SPTBN5: variants seen among roughly 807,000 people sequenced by gnomAD.
The protein encoded by SPTBN5 is spectrin beta, non-erythrocytic 5, also known as spectrin beta chain, non-erythrocytic 5.
A neutral mutation model predicts 477.6 loss-of-function variants in SPTBN5; 513 were observed. That is an observed-to-expected ratio of 1.07 (90% confidence interval 1.00 to 1.16). The LOEUF is 1.16. Ranked by LOEUF, SPTBN5 falls within the 50% of genes most tolerant of loss-of-function variation. The pLI, the probability that SPTBN5 is intolerant of heterozygous loss-of-function variation, is 0.00. For synonymous variants in SPTBN5, 2,169 were observed against 2,011.7 expected, an observed-to-expected ratio of 1.08 and a Z score of -2.09; for missense variants, 5,062 against 4,731.8, an observed-to-expected ratio of 1.07 and a Z score of -2.05.
Position 41,857,322 on chromosome 15 carries a change from A to C in SPTBN5, c.8537T>G (p.Leu2846Arg). The C allele has an allele frequency of 6.4e-7, 1 of 1,568,576 alleles. No individual in the cohort carries two copies. The highest frequency in any genetic ancestry group is 8.6e-7 in the Non-Finnish European group (1 of 1,157,296). Residue 2846 changes from leucine (L) to arginine (R), a missense_variant, in exon 51 of 68, where the codon CTG becomes CGG. Physicochemically the swap from Leu to Arg is moderately radical, Grantham distance 102. Transcript: ENST00000320955. ...CACAAAGGCCTGGGCCTGGCCCAGC[A>C]GTGCCTCAGCCTGCCTGGCCTTCTT... is the stretch of plus-strand genomic sequence containing the variant. ...VDKKARQAEA[L>R]LGQAQAFVRE... is the part of the protein sequence containing the mutation.
chr15:41,860,153 C>T (rs2066055819), intron 47 of SPTBN5, among the ~76,000 whole-genome samples: 1 of 152,220 alleles, frequency 6.6e-6, no homozygotes, highest in South Asian at 2.1e-4. Context: ...GTCCTCATCA[C>T]AGCCGTTAAA....
rs1162454174 is a variant in SPTBN5 at position 41,881,048 on chromosome 15, G to A, written c.2644C>T (p.Arg882Trp). ...AGAAGTGTTACCTGTGCCAGGGCCC[G>A]CAGACTCTCATAGTCCTGACTCAAG... The part of the protein sequence containing the change: ...DHLSQDYESL[R>W]ALAQLRRARL... Residue 882 changes from arginine to tryptophan, a missense_variant, in exon 13 of 68, where the codon CGG becomes TGG. Physicochemically the swap from Arg to Trp is moderately radical, Grantham distance 101. Coordinates refer to ENST00000320955, the MANE Select transcript of SPTBN5 (RefSeq NM_016642.4). 3 of 1,588,352 alleles carry A rather than the reference G, an allele frequency of 1.9e-6. No homozygotes were observed. Among genetic ancestry groups the A allele is most frequent in the South Asian group, 1.1e-5 (1 of 88,000 alleles).
At chr15:41,859,825 G>T (rs779770196) in intron 47 of SPTBN5, among the ~76,000 whole-genome samples, 8 of 152,176 alleles carry the variant, frequency 5.3e-5, no homozygotes, top group Non-Finnish European at 1.0e-4. Context: ...GAATGGAGAG[G>T]GGGTGGCCGC....
Position 41,876,656 on chromosome 15 carries a change from C to CT in SPTBN5, c.3852-10_3852-9insA. On this transcript the variant is annotated splice_polypyrimidine_tract_variant and intron_variant, in intron 19 of 67. Coordinates refer to ENST00000320955, the MANE Select transcript of SPTBN5 (RefSeq NM_016642.4). ...GCAGCTGCTCTCTGACCCTGGAGGG[C>CT]GGGGGGGGGTTGGAGGAGGGCATGG... 1 of 703,376 alleles carries CT rather than the reference C, an allele frequency of 1.4e-6. No homozygotes were observed. The highest frequency in any genetic ancestry group is 2.2e-6 in the Non-Finnish European group (1 of 455,602). The allele number at this position is 703,376 out of a possible 1,614,324, so 43.6% of individuals were successfully genotyped here. A position where few individuals can be genotyped will look rare whatever the true frequency, so the allele number is the denominator to read the frequency against.
chr15:41,875,996 T>C, intron 21 of SPTBN5, 118 bp downstream of exon 21: 1 of 1,299,856 alleles, frequency 7.7e-7, no homozygotes, highest in African/African-American at 1.5e-5. Context: ...GGGGAGGTTC[T>C]AGGTTCACGC....
rs1369836237 is a variant in SPTBN5, at chr15:41,852,586, G to A, written c.10449+48C>T. 3 of 1,571,728 alleles carry A rather than the reference G, an allele frequency of 1.9e-6. No homozygotes were observed. The South Asian group carries it at 3.3e-5, about 17-fold the overall frequency. ...GAGACACTGACTTGCAGGCTGAGAGGGACTGTTCCCCCACCAGCCCTCAGC... is the reference window on the plus strand; with the variant it reads ...GAGACACTGACTTGCAGGCTGAGAGAGACTGTTCCCCCACCAGCCCTCAGC... On this transcript the variant is annotated intron_variant, in intron 61 of 67. Transcript: ENST00000320955.
chr15:41,878,249 A>C (rs1371668705), intron 17 of SPTBN5, 93 bp downstream of exon 17: 3 of 1,446,034 alleles, frequency 2.1e-6, no homozygotes, highest in Admixed American at 4.2e-5. Flanking sequence ...GGGAAATCAC[A>C]CTACTTCCCG....
At chr15:41,848,722 C>T (rs1235937807) in intron 67 of SPTBN5, 94 bp from the exon 68 acceptor site, 3 of 1,422,448 alleles carry the variant, frequency 2.1e-6, no homozygotes. Context: ...TCCCCTGGAC[C>T]AGCCAGCCTC....
At chr15:41,853,818 TCC>T in intron 57 of SPTBN5, 31 bp from the exon 58 acceptor site, 7 of 1,523,806 alleles carry the variant, frequency 4.6e-6, no homozygotes, top group Non-Finnish European at 6.2e-6. Context: ...CAGGCCTCAG[TCC>T]CCCCACTGAG....
intron 47 of SPTBN5, 36 bp from the exon 48 acceptor site, chr15:41,859,016 C>T (rs773480744): frequency 1.4e-6 from 2 of 1,465,656 alleles, no homozygotes; most frequent in South Asian, 1.4e-5. Flanking sequence ...CTGGAGCCAC[C>T]CCCGGGGCCA....
chr15:41,855,369 C>T lies in SPTBN5; in HGVS notation c.9278G>A (p.Arg3093Lys). The T allele has an allele frequency of 6.2e-7, 1 of 1,605,300 alleles. No homozygotes were observed. The highest frequency in any genetic ancestry group is 8.5e-7 in the Non-Finnish European group (1 of 1,179,584). ...VREAHAELLR[R>K]AEARGHGLQE... ...CAGGCCGTGCCCCCTGGCCTCCGCC[C>T]TCCGCAGCAGCTCTGCGTGGGCCTC... Residue 3093 changes from arginine to lysine, a missense_variant, in exon 55 of 68, where the codon AGG becomes AAG. By Grantham distance (26) the Arg-to-Lys change is conservative (BLOSUM62 2). Coordinates refer to ENST00000320955, the MANE Select transcript of SPTBN5 (RefSeq NM_016642.4).
chr15:41,850,759 T>C (rs754283903), intron 66 of SPTBN5, 95 bp downstream of exon 66: 15 of 1,102,008 alleles, frequency 1.4e-5, no homozygotes, highest in Non-Finnish European at 1.8e-5. Context: ...ATGCTAACTG[T>C]GAAACCTCCC....
Position 41,879,465 on chromosome 15 carries a change from CCT to C in SPTBN5, c.2975_2976del (p.Lys992SerfsTer108), listed in dbSNP as rs2066871883. 22 of 1,591,106 alleles carry C rather than the reference CCT, an allele frequency of 1.4e-5. No homozygotes were observed. The highest frequency in any genetic ancestry group is 1.6e-5 in the Non-Finnish European group (19 of 1,170,892). ...TCCACACTGTGTGCCAGCTGCACGGCCTTCTCCCTCTTCAGGGCCTCCAGCTG... is the reference window on the plus strand; with the variant it reads ...TCCACACTGTGTGCCAGCTGCACGGCTCTCCCTCTTCAGGGCCTCCAGCTG... Reference protein sequence around the residue: ...WGQLEALKREKAVQLAHSVEV... With the variant: ...WGQLEALKREXAVQLAHSVEV... On this transcript the variant is annotated frameshift_variant, in exon 16 of 68. Coordinates refer to ENST00000320955, the MANE Select transcript of SPTBN5 (RefSeq NM_016642.4). LOFTEE classifies it high-confidence loss of function.
intron 27 of SPTBN5, 46 bp from the exon 28 acceptor site, chr15:41,871,963 C>G (rs562806272): frequency 5.1e-5 from 75 of 1,482,676 alleles, no homozygotes; most frequent in Middle Eastern, 1.8e-4. Flanking sequence ...TGCCCACCCC[C>G]CTGGGGGCCA....
intron 17 of SPTBN5, 140 bp from the exon 18 acceptor site, chr15:41,877,496 G>A: frequency 1.6e-6 from 2 of 1,281,898 alleles, no homozygotes; most frequent in East Asian, 2.5e-5. Context: ...TGCTTAGGGT[G>A]CAGGGGTTCC....
intron 66 of SPTBN5, 54 bp downstream of exon 66, chr15:41,850,800 G>C (rs1023431288): frequency 4.1e-6 from 6 of 1,470,788 alleles, no homozygotes; most frequent in African/African-American, 1.4e-5. Flanking sequence ...GGGCCCAGGA[G>C]CTTGGGGCCC....
chr15:41,875,749 G>C, intron 21 of SPTBN5, 127 bp from the exon 22 acceptor site: 1 of 1,012,518 alleles, frequency 9.9e-7, no homozygotes, highest in Non-Finnish European at 1.4e-6. Flanking sequence ...CGGGCTGCCT[G>C]GAAGAAAGCA....
Position 41,873,948 on chromosome 15 carries a change from T to C in SPTBN5, c.4787A>G (p.His1596Arg). 6.2e-7 allele frequency: 1 copy of C among 1,609,688 alleles called. No homozygotes were observed. Among genetic ancestry groups the C allele is most frequent in the Non-Finnish European group, 8.5e-7 (1 of 1,179,866 alleles). Residue 1596 changes from histidine (H) to arginine (R), a missense_variant, in exon 25 of 68, where the codon CAC becomes CGC. Physicochemically the swap from His to Arg is conservative, Grantham distance 29. Transcript: ENST00000320955. ...LAASGHPQAQHIVEQCQELEG... is the reference protein window; with the variant it reads ...LAASGHPQAQRIVEQCQELEG... The stretch of plus-strand genomic sequence containing the variant: ...CAGCTCCTGGCACTGCTCCACGATG[T>C]GTTGGGCTTGGGGGTGCCCTGAGGC...
intron 66 of SPTBN5, 113 bp downstream of exon 66, chr15:41,850,741 G>T (rs1005181347): frequency 5.5e-6 from 5 of 902,942 alleles, no homozygotes; most frequent in Non-Finnish European, 6.6e-6. Flanking sequence ...ACTTCTTGGA[G>T]GTTAGAGATG....
Sources: allele counts gnomAD v4.1 joint callset (sites outside exome capture counted in the v4.1 genomes callset), GRCh38; gene constraint gnomAD v4.1.1; transcripts MANE v1.5; gene names NCBI Gene and HGNC (gene_info 2026-07-23, HGNC 2026-07-21).